MTUS2: variants seen among roughly 807,000 people sequenced by gnomAD.
MTUS2 encodes microtubule associated scaffold protein 2.
A neutral mutation model predicts 114.1 loss-of-function variants in MTUS2; 40 were observed. The ratio of observed to expected loss-of-function variants is 0.35; its 90% confidence interval spans 0.27 to 0.46. MTUS2 has a LOEUF of 0.46. Among genes scored for constraint, MTUS2 ranks in the 20% least tolerant of loss-of-function variants. The pLI, the probability that MTUS2 is intolerant of heterozygous loss-of-function variation, is 1.00. For synonymous variants in MTUS2, 688 were observed against 672.0 expected (o/e 1.02, Z -0.37); for missense variants, 1,679 against 1,705.4 (o/e 0.98, Z 0.27).
At chr13:29,098,267 T>C (rs1890259265) in intron 4 of MTUS2, among the ~76,000 whole-genome samples, 1 of 152,186 alleles carries the variant, frequency 6.6e-6, no homozygotes, top group African/African-American at 2.4e-5. Flanking sequence ...GAGCTGGTGG[T>C]ATAAAAGGAA....
intron 8 of MTUS2, among the ~76,000 whole-genome samples, chr13:29,413,350 C>T (rs984494843): frequency 2.0e-5 from 3 of 151,652 alleles, no homozygotes; most frequent in African/African-American, 7.3e-5. Context: ...CCATAAAAAC[C>T]CTAGAAGAAA....
intron 5 of MTUS2, among the ~76,000 whole-genome samples, chr13:29,194,795 T>C (rs78703806): frequency 6.6e-6 from 1 of 151,932 alleles, no homozygotes; most frequent in Admixed American, 6.6e-5. Flanking sequence ...CACATGCACA[T>C]GCATGTTTAT....
At chr13:28,997,662 T>C (rs921444537) in intron 2 of MTUS2, among the ~76,000 whole-genome samples, 3 of 152,136 alleles carry the variant, frequency 2.0e-5, no homozygotes, top group Non-Finnish European at 4.4e-5. Flanking sequence ...CTTTGTCTCT[T>C]TTGATCTTTG....
At chr13:29,092,905 A>C (rs201282027) in intron 4 of MTUS2, among the ~76,000 whole-genome samples, 1 of 152,332 alleles carries the variant, frequency 6.6e-6, no homozygotes, top group East Asian at 1.9e-4. Flanking sequence ...ACAAGGAAAG[A>C]ATGCTGGCTC....
chr13:29,332,159 G>T (rs1220410567), intron 7 of MTUS2, among the ~76,000 whole-genome samples: 1 of 152,142 alleles, frequency 6.6e-6, no homozygotes, highest in Admixed American at 6.5e-5. Flanking sequence ...TGTACCTCAG[G>T]TAGAGTTTGG....
At chr13:28,830,791 T>C (rs1299145831) in intron 1 of MTUS2, among the ~76,000 whole-genome samples, 1 of 152,104 alleles carries the variant, frequency 6.6e-6, no homozygotes, top group African/African-American at 2.4e-5. Flanking sequence ...TGAGTAATCA[T>C]GTACAGAGGA....
chr13:29,190,548 T>A (rs938721760), intron 5 of MTUS2, among the ~76,000 whole-genome samples: 5 of 152,200 alleles, frequency 3.3e-5, no homozygotes, highest in Non-Finnish European at 5.9e-5. Flanking sequence ...TTTGGCCTTG[T>A]GTGGCCTTGG....
intron 4 of MTUS2, among the ~76,000 whole-genome samples, chr13:29,069,256 T>C (rs1171621455): frequency 6.6e-6 from 1 of 152,192 alleles, no homozygotes; most frequent in Non-Finnish European, 1.5e-5. Flanking sequence ...CCAGGAAAGC[T>C]AGTGTTTCAG....
intron 8 of MTUS2, among the ~76,000 whole-genome samples, chr13:29,389,570 C>CACGTGTGTATATGTGTACAT (rs1873070655): frequency 8.6e-6 from 1 of 116,438 alleles, no homozygotes; most frequent in African/African-American, 4.0e-5. Context: ...TATATGTGTA[C>CACGTGTGTATATGTGTACAT]ATATGTGTGT....
At chr13:28,830,125 A>G (rs1280235999) in intron 1 of MTUS2, among the ~76,000 whole-genome samples, 1 of 152,234 alleles carries the variant, frequency 6.6e-6, no homozygotes, top group Non-Finnish European at 1.5e-5. Context: ...ACTTTACATA[A>G]TTAGTCTGGG....
chr13:28,878,213 A>ATATT (rs928026571), intron 2 of MTUS2, among the ~76,000 whole-genome samples: 2 of 147,636 alleles, frequency 1.4e-5, no homozygotes, highest in Non-Finnish European at 3.0e-5. Flanking sequence ...AAGAATATAT[A>ATATT]TATATATGTG....
intron 6 of MTUS2, among the ~76,000 whole-genome samples, chr13:29,285,871 A>G (rs1254465826): frequency 6.6e-6 from 1 of 152,224 alleles, no homozygotes; most frequent in Non-Finnish European, 1.5e-5. Context: ...ATTCAAAAAA[A>G]CTTTGGAAGA....
At chr13:29,130,082 G>C (rs1891693157) in intron 5 of MTUS2, among the ~76,000 whole-genome samples, 1 of 152,140 alleles carries the variant, frequency 6.6e-6, no homozygotes, top group Non-Finnish European at 1.5e-5. Context: ...TGGTCATATG[G>C]AGGACAGAAT....
At chr13:28,873,466 C>G (rs1284136343) in intron 2 of MTUS2, among the ~76,000 whole-genome samples, 1 of 152,156 alleles carries the variant, frequency 6.6e-6, no homozygotes, top group Non-Finnish European at 1.5e-5. Context: ...GTGTTACACA[C>G]AACATTGAAT....
At chr13:28,935,928 G>A (rs1047982201) in intron 2 of MTUS2, among the ~76,000 whole-genome samples, 1 of 152,020 alleles carries the variant, frequency 6.6e-6, no homozygotes, top group Non-Finnish European at 1.5e-5. Flanking sequence ...TAAACTTTTT[G>A]TAGAGATGGG....
At chr13:29,031,461 C>T (rs907641229) in intron 3 of MTUS2, among the ~76,000 whole-genome samples, 1 of 151,762 alleles carries the variant, frequency 6.6e-6, no homozygotes, top group African/African-American at 2.4e-5. Context: ...GAAATTGGCT[C>T]ATGATTGTAG....
In MTUS2 at chr13:29,121,781, C is replaced by G. The variant is rs141239342; in HGVS notation, c.2644+20811C>G. Reference sequence around the variant, plus strand: ...AAGCAATTCTCCTGCCTCAGCCTTCCGAGTAGGTGGGGTTACAGGCATGTA... The same window carrying G: ...AAGCAATTCTCCTGCCTCAGCCTTCGGAGTAGGTGGGGTTACAGGCATGTA... On this transcript the variant is annotated intron_variant, in intron 5 of 15. Coordinates refer to ENST00000612955, the MANE Select transcript of MTUS2 (RefSeq NM_001033602.4). 4.5e-3 allele frequency among the ~76,000 whole-genome samples: 692 copies of G among 152,156 alleles called. 6 individuals are homozygous for G. Among genetic ancestry groups the G allele is most frequent in the African/African-American group, 0.016 (657 of 41,528 alleles).
chr13:29,263,534 TCA>T (rs1341172046), intron 5 of MTUS2, among the ~76,000 whole-genome samples: 4 of 152,178 alleles, frequency 2.6e-5, no homozygotes, highest in Non-Finnish European at 5.9e-5. Context: ...TTTAATTGAC[TCA>T]CAGTTCTGCA....
chr13:29,315,334 C>T (rs1899941692), intron 6 of MTUS2, among the ~76,000 whole-genome samples: 1 of 152,152 alleles, frequency 6.6e-6, no homozygotes, highest in African/African-American at 2.4e-5. Flanking sequence ...GGTCCCAACA[C>T]AAAGAAATGA....
Sources: allele counts gnomAD v4.1 joint callset (sites outside exome capture counted in the v4.1 genomes callset), GRCh38; gene constraint gnomAD v4.1.1; transcripts MANE v1.5; gene names NCBI Gene and HGNC (gene_info 2026-07-23, HGNC 2026-07-21).